Variants in TET3 observed in about 807,000 individuals in gnomAD.
The protein encoded by TET3 is tet methylcytosine dioxygenase 3.
A neutral mutation model predicts 141.4 loss-of-function variants in TET3; 19 were observed. The ratio of observed to expected loss-of-function variants is 0.13; its 90% CI spans 0.09 to 0.20. TET3 has a LOEUF of 0.20. Ranked by LOEUF, TET3 falls within the 10% of genes least tolerant of loss-of-function variation. TET3 has a pLI of 1.00. For missense variants in TET3, 1,874 were observed against 2,356.9 expected (o/e 0.80, Z 4.24); for synonymous variants, 1,043 against 980.9 (o/e 1.06, Z -1.18).
chr2:74,068,336 T>C (rs1472612716), intron 4 of TET3, among the ~76,000 whole-genome samples: 1 of 134,836 alleles, frequency 7.4e-6, no homozygotes, highest in Non-Finnish European at 1.6e-5. Context: ...TGATTGTGTG[T>C]ACACGAACTA....
chr2:74,007,814 G>GT (rs1558705578), intron 3 of TET3, among the ~76,000 whole-genome samples: 1 of 152,108 alleles, frequency 6.6e-6, no homozygotes, highest in Non-Finnish European at 1.5e-5. Flanking sequence ...TTGTTTGTTT[G>GT]TTTTTTGTTT....
intron 6 of TET3, among the ~76,000 whole-genome samples, chr2:74,085,927 C>T (rs1017569011): frequency 9.9e-5 from 15 of 152,202 alleles, no homozygotes; most frequent in Middle Eastern, 6.3e-3. Flanking sequence ...CCTCAGGAAT[C>T]CATTCTTCTC....
At chr2:74,053,941 G>A (rs13013188) in intron 4 of TET3, among the ~76,000 whole-genome samples, 1,578 of 152,228 alleles carry the variant, frequency 0.01, 11 homozygotes, top group Non-Finnish European at 0.018. Flanking sequence ...GGAATCTGAC[G>A]GTGAGTAGGA....
chr2:74,001,391 G>A (rs1335245152), intron 2 of TET3, among the ~76,000 whole-genome samples: 1 of 152,216 alleles, frequency 6.6e-6, no homozygotes, highest in East Asian at 1.9e-4. Context: ...TCATCTGTGA[G>A]AATGAGAAGG....
At chr2:74,012,997 GTTT>G (rs369187164) in intron 3 of TET3, among the ~76,000 whole-genome samples, 4 of 135,070 alleles carry the variant, frequency 3.0e-5, no homozygotes, top group African/African-American at 2.7e-5. Flanking sequence ...GTAATGGGGT[GTTT>G]TTTTTTTTTT....
downstream of TET3, among the ~76,000 whole-genome samples, chr2:74,112,230 C>A (rs368762866): frequency 1.8e-4 from 27 of 152,212 alleles, 1 homozygote; most frequent in South Asian, 5.6e-3. Context: ...TTTAGTAACA[C>A]TGCAGGCCAT....
At chr2:74,074,995 C>G (rs1329904840) in intron 5 of TET3, among the ~76,000 whole-genome samples, 1 of 152,116 alleles carries the variant, frequency 6.6e-6, no homozygotes, top group African/African-American at 2.4e-5. Flanking sequence ...CTCAGACTCC[C>G]AAGTAGCTGG....
intron 2 of TET3, among the ~76,000 whole-genome samples, chr2:73,988,990 G>GTTTT (rs1437398059): frequency 0.017 from 1,804 of 106,054 alleles, 144 homozygotes; most frequent in African/African-American, 0.055. Context: ...AAAAAAAAAA[G>GTTTT]TTTTTTTTGT....
chr2:73,992,661 CTGG>C (rs1684394649), intron 2 of TET3, among the ~76,000 whole-genome samples: 1 of 152,086 alleles, frequency 6.6e-6, no homozygotes, highest in South Asian at 2.1e-4. Context: ...TTTGCCCAGC[CTGG>C]TGAACTCATG....
intron 3 of TET3, among the ~76,000 whole-genome samples, chr2:74,028,346 A>C (rs912405506): frequency 1.3e-5 from 2 of 152,068 alleles, no homozygotes; most frequent in African/African-American, 4.8e-5. Flanking sequence ...ATTTTGATGA[A>C]GTACAGTTTA....
intron 1 of TET3, among the ~76,000 whole-genome samples, 195 bp downstream of exon 1, chr2:73,985,352 G>A (rs1272230129): frequency 1.4e-5 from 2 of 142,816 alleles, no homozygotes; most frequent in Non-Finnish European, 1.6e-5. Context: ...GCGGGGGCGG[G>A]GGCTGCGAAG....
intron 10 of TET3, among the ~76,000 whole-genome samples, chr2:74,096,663 G>T (rs1690848155): frequency 6.6e-6 from 1 of 152,132 alleles, no homozygotes. Context: ...AGCTACTGGG[G>T]AGGCTGAGGC....
intron 5 of TET3, among the ~76,000 whole-genome samples, chr2:74,074,874 T>G (rs2103949564): frequency 7.5e-6 from 1 of 133,422 alleles, no homozygotes; most frequent in African/African-American, 3.2e-5. Context: ...TGTTTGTTTG[T>G]TTTGTTTGTT....
the TET3 span, among the ~76,000 whole-genome samples, chr2:74,122,677 CTTTTTTTTTT>C: frequency 4.7e-5 from 2 of 42,388 alleles, no homozygotes; most frequent in Admixed American, 4.0e-4. Context: ...CTACACCTAG[CTTTTTTTTTT>C]TTTTTTTTTT....
chr2:74,131,497 CCT>C, the TET3 span, among the ~76,000 whole-genome samples: 1 of 152,166 alleles, frequency 6.6e-6, no homozygotes, highest in African/African-American at 2.4e-5. Flanking sequence ...AGCCTCAGGT[CCT>C]CTCTCAGGTT....
chr2:74,061,603 C>T (rs562144014), intron 4 of TET3, among the ~76,000 whole-genome samples: 149 of 150,832 alleles, frequency 9.9e-4, no homozygotes, highest in Middle Eastern at 3.5e-3. Flanking sequence ...GGCTGACCCC[C>T]CCCACCTCCC....
rs1050563958 is a variant in TET3 at position 74,093,729 on chromosome 2, T to G, written c.3267+63T>G. On this transcript the variant is annotated intron_variant, in intron 10 of 11. Transcript: ENST00000409262. The surrounding 1 kb of genome is among the most constrained non-coding windows in gnomAD (Gnocchi z 4.2). Reference sequence around the variant, plus strand: ...AACTGTGGGAGGGAGTCCACCGTGGTCTTTTCAGAAAGGCAGGCTGAGGGT... The same window carrying G: ...AACTGTGGGAGGGAGTCCACCGTGGGCTTTTCAGAAAGGCAGGCTGAGGGT... The G allele has an allele frequency of 6.8e-7, 1 of 1,467,526 alleles. No individual in the cohort carries two copies. The highest frequency in any genetic ancestry group is 2.1e-5 in the Admixed American group (1 of 47,318). 90.9% of individuals were successfully genotyped at this position (1,467,526 alleles called of 1,614,324 possible). A position where few individuals can be genotyped will look rare whatever the true frequency, so the allele number is the denominator to read the frequency against.
In TET3 at chr2:74,046,673, C is replaced by A; in HGVS notation, c.756C>A (p.Asp252Glu). 2 of 1,614,050 alleles carry A rather than the reference C, an allele frequency of 1.2e-6. No homozygotes were observed. Among genetic ancestry groups the A allele is most frequent in the Non-Finnish European group, 8.5e-7 (1 of 1,179,892 alleles). ...AGGGCTGCTCTGCTGGCAGCGAAGA[C>A]CTTGACACACTGCAGACGGCCCTGG... ...GPEGCSAGSE[D>E]LDTLQTALAL... is the part of the protein sequence containing the mutation. Residue 252 changes from aspartate to glutamate, a missense_variant, in exon 4 of 12, where the codon GAC becomes GAA. Coordinates refer to ENST00000409262, the MANE Select transcript of TET3 (RefSeq NM_001287491.2). This position sits in a 1 kb window ranked among gnomAD's most constrained non-coding sequence, Gnocchi z 4.3.
the TET3 span, among the ~76,000 whole-genome samples, chr2:74,130,184 T>G: frequency 7.1e-3 from 1,085 of 152,248 alleles, 5 homozygotes; most frequent in Middle Eastern, 0.017. Flanking sequence ...TTAGTCTTAT[T>G]GCAAAAGAAA....
Sources: gnomAD v4.1 joint callset for allele counts (sites outside exome capture counted in the v4.1 genomes callset) on GRCh38, gnomAD v4.1.1 for gene constraint, Gnocchi (gnomAD v3.1) non-coding constraint, MANE v1.5 for transcripts, NCBI Gene and HGNC (gene_info 2026-07-23, HGNC 2026-07-21) for gene names.